Variants in ZNF37A observed in about 807,000 individuals in gnomAD.
ZNF37A encodes zinc finger protein 37a (KOX 21).
ZNF37A carries 10 observed loss-of-function variants against 12.3 expected under a neutral mutation model. The observed-to-expected ratio is 0.82, with a 90% CI of 0.50 to 1.38. ZNF37A has a LOEUF of 1.38. Ranked by LOEUF, ZNF37A falls within the 40% of genes most tolerant of loss-of-function variation. The probability of loss-of-function intolerance (pLI) is 0.00; values close to 1 mark genes in which losing one functional copy is unlikely to be tolerated. For missense variants in ZNF37A, 580 were observed against 651.2 expected (o/e 0.89, Z 1.19); for synonymous variants, 207 against 223.0 (o/e 0.93, Z 0.64).
chr10:38,134,397 G>A (rs187043238), intron 7 of ZNF37A, among the ~76,000 whole-genome samples: 2 of 152,168 alleles, frequency 1.3e-5, no homozygotes, highest in Admixed American at 1.3e-4. Context: ...TACCTTTTCT[G>A]CTCTGGTTTC....
downstream of ZNF37A, among the ~76,000 whole-genome samples, chr10:38,125,970 T>C (rs1327476011): frequency 7.9e-5 from 12 of 152,106 alleles, no homozygotes; most frequent in Non-Finnish European, 5.9e-5. Flanking sequence ...TGCCACATAC[T>C]TTTAGATGAC....
exon 8 of ZNF37A, chr10:38,149,609 C>G (rs905246888): frequency 8.1e-6 from 1 of 123,454 alleles, no homozygotes; most frequent in Non-Finnish European, 1.6e-5. Flanking sequence ...GAGTCTAGCT[C>G]TGTCGCCCAG....
At chr10:38,107,078 G>A (rs1306684398) in intron 5 of ZNF37A, among the ~76,000 whole-genome samples, 1 of 152,094 alleles carries the variant, frequency 6.6e-6, no homozygotes, top group Non-Finnish European at 1.5e-5. Context: ...TGAAATGAAG[G>A]AAAACATTTT....
chr10:38,146,954 G>A (rs1424305137), exon 8 of ZNF37A: 3 of 388,398 alleles, frequency 7.7e-6, no homozygotes, highest in Non-Finnish European at 1.4e-5. Flanking sequence ...GATAAGCATT[G>A]TTTCTATAGG....
intron 7 of ZNF37A, among the ~76,000 whole-genome samples, chr10:38,135,928 A>C (rs1435180032): frequency 6.6e-6 from 1 of 152,182 alleles, no homozygotes; most frequent in Non-Finnish European, 1.5e-5. Flanking sequence ...TTGGGTGGAG[A>C]CACAGCCAAA....
chr10:38,113,828 A>G (rs1434332852), intron 5 of ZNF37A, among the ~76,000 whole-genome samples: 1 of 152,222 alleles, frequency 6.6e-6, no homozygotes, highest in Non-Finnish European at 1.5e-5. Context: ...CCAGTTCACC[A>G]TCAACTTCTG....
chr10:38,111,484 T>TA (rs201057446), intron 5 of ZNF37A, among the ~76,000 whole-genome samples: 2,314 of 142,862 alleles, frequency 0.016, 23 homozygotes, highest in South Asian at 0.062. Flanking sequence ...AGTATAATAA[T>TA]AAAAAAAAAA....
At chr10:38,103,465 C>G (rs2504127) in intron 5 of ZNF37A, among the ~76,000 whole-genome samples, 73,330 of 151,882 alleles carry the variant, frequency 0.48, 17,869 homozygotes, top group East Asian at 0.54. Flanking sequence ...TCTTTGTCTG[C>G]TTTCATTTAG....
intron 5 of ZNF37A, among the ~76,000 whole-genome samples, chr10:38,110,482 A>C (rs1328481075): frequency 2.0e-5 from 3 of 152,228 alleles, no homozygotes; most frequent in African/African-American, 7.2e-5. Context: ...AAAATTGACA[A>C]ATGGGATCTA....
intron 4 of ZNF37A, among the ~76,000 whole-genome samples, chr10:38,096,312 C>G (rs2067151004): frequency 6.6e-6 from 1 of 152,142 alleles, no homozygotes; most frequent in Non-Finnish European, 1.5e-5. Context: ...GTATTATGTT[C>G]CACTCTTTGG....
chr10:38,130,506 G>C (rs527902371), downstream of ZNF37A, among the ~76,000 whole-genome samples: 1 of 152,112 alleles, frequency 6.6e-6, no homozygotes, highest in African/African-American at 2.4e-5. Flanking sequence ...TGTCACCCAG[G>C]CTGGAGTGCA....
rs1002259346 is a variant in ZNF37A, at chr10:38,119,492, G to A, written c.*655G>A. The A allele has an allele frequency of 1.5e-5, 11 of 746,572 alleles. No individual in the cohort carries two copies. The African/African-American group carries it at 1.5e-4, about 10-fold the overall frequency. 46.2% of individuals were successfully genotyped at this position (746,572 alleles called of 1,614,324 possible). A position where few individuals can be genotyped will look rare whatever the true frequency, so the allele number is the denominator to read the frequency against. ...AAGTATTTTTAACTGTATCCAATGTGTGGATGTTTTAAGTTAAAATCTAAA... is the reference window on the plus strand; with the variant it reads ...AAGTATTTTTAACTGTATCCAATGTATGGATGTTTTAAGTTAAAATCTAAA... On this transcript the variant is annotated 3_prime_UTR_variant, in exon 8 of 8. Transcript: ENST00000685332.
chr10:38,094,453 C>G lies in ZNF37A; in HGVS notation c.-529C>G, dbSNP rs1455837532. The stretch of plus-strand genomic sequence containing the variant: ...CCCCGGCACTCTGACGGGGAGGGCT[C>G]CCGGCATCTCCTGGCGTCCGGGTAG... On this transcript the variant is annotated 5_prime_UTR_variant, in exon 1 of 8. Coordinates refer to ENST00000685332, the MANE Select transcript of ZNF37A (RefSeq NM_001324250.3). The G allele has an allele frequency of 1.3e-5, 2 of 151,768 alleles. No individual in the cohort carries two copies. Among genetic ancestry groups the G allele is most frequent in the Non-Finnish European group, 2.9e-5 (2 of 68,042 alleles). The allele number at this position is 151,768 out of a possible 1,614,324, so 9.4% of individuals were successfully genotyped here. A position where few individuals can be genotyped will look rare whatever the true frequency, so the allele number is the denominator to read the frequency against.
chr10:38,143,826 C>T (rs2070219142), intron 7 of ZNF37A: 2 of 152,210 alleles, frequency 1.3e-5, no homozygotes, highest in South Asian at 4.1e-4. Flanking sequence ...TGTGAGTCAC[C>T]CCTTGCAGCA....
rs556484273 is a variant in ZNF37A at position 38,096,577 on chromosome 10, C to T, written c.-41C>T. On this transcript the variant is annotated 5_prime_UTR_variant, in exon 5 of 8. Transcript: ENST00000685332. ...ATGATCTTTTCTTATTTCTCAGCTA[C>T]ACCCTCACAGTTTGCTCTGCTCTTC... 4 of 1,604,056 alleles carry T rather than the reference C, an allele frequency of 2.5e-6. No homozygotes were observed. The highest frequency in any genetic ancestry group is 3.4e-6 in the Non-Finnish European group (4 of 1,176,060).
chr10:38,118,367 A>T lies in ZNF37A; in HGVS notation c.1216A>T (p.Thr406Ser). 6.2e-7 allele frequency: 1 copy of T among 1,613,828 alleles called. No homozygotes were observed. The highest frequency in any genetic ancestry group is 2.2e-5 in the East Asian group (1 of 44,820). The part of the protein sequence containing the change: ...SDLIKHQRIH[T>S]GEKPYECNEC... ...CCTCATTAAACATCAAAGAATACAC[A>T]CAGGTGAAAAACCTTATGAATGTAA... The change falls in exon 8 of 8, where the codon ACA becomes TCA. Residue 406 changes from threonine (T) to serine (S), a missense_variant. Thr to Ser is a moderately conservative substitution (Grantham distance 58, BLOSUM62 1). Transcript: ENST00000685332.
chr10:38,114,666 TA>T, intron 5 of ZNF37A, 88 bp from the exon 6 acceptor site: 1 of 1,551,556 alleles, frequency 6.4e-7, no homozygotes, highest in Non-Finnish European at 8.9e-7. Flanking sequence ...TTTTCAACAA[TA>T]AAAATGGTAA....
At position 38,118,063 on chromosome 10, in the gene ZNF37A, T is replaced by C; in HGVS notation, c.912T>C (p.Cys304=). 1 of 1,614,074 alleles carries C rather than the reference T, an allele frequency of 6.2e-7. No individual in the cohort carries two copies. Among genetic ancestry groups the C allele is most frequent in the Non-Finnish European group, 8.5e-7 (1 of 1,179,986 alleles). Residue 304 remains cysteine, a synonymous_variant, in exon 8 of 8, where the codon TGT becomes TGC. Coordinates refer to ENST00000685332, the MANE Select transcript of ZNF37A (RefSeq NM_001324250.3). ...TGGKPYECHE[C]GKTFYKNSDL... ...GAAAACCCTATGAATGTCATGAATG[T>C]GGGAAGACCTTCTATAAGAATTCAG... is the stretch of plus-strand genomic sequence containing the variant.
intron 5 of ZNF37A, among the ~76,000 whole-genome samples, chr10:38,104,742 G>A (rs1467235733): frequency 6.6e-6 from 1 of 151,898 alleles, no homozygotes; most frequent in African/African-American, 2.4e-5. Flanking sequence ...CCTCTCAATT[G>A]ACAGTTAGGA....
Sources: gnomAD v4.1 joint callset for allele counts (sites outside exome capture counted in the v4.1 genomes callset) on GRCh38, gnomAD v4.1.1 for gene constraint, MANE v1.5 for transcripts, NCBI Gene and HGNC (gene_info 2026-07-23, HGNC 2026-07-21) for gene names.